UNC13C: variants seen among roughly 807,000 people sequenced by gnomAD.
The protein encoded by UNC13C is protein unc-13 homolog C.
Under a neutral mutation model 245.4 loss-of-function variants are expected in UNC13C, and 174 were observed. The ratio of observed to expected loss-of-function variants is 0.71; its 90% CI spans 0.63 to 0.80. The LOEUF (loss-of-function observed/expected upper bound fraction) is 0.80. UNC13C is among the 30% of genes least tolerant of loss of function. UNC13C has a pLI of 0.00. For synonymous variants in UNC13C, 992 were observed against 895.1 expected, an observed-to-expected ratio of 1.11 and a Z score of -1.93; for missense variants, 2,829 against 2,602.9, an observed-to-expected ratio of 1.09 and a Z score of -1.89.
At chr15:53,912,527 A>G in the UNC13C span, 4 of 152,104 alleles carry the variant, frequency 2.6e-5, no homozygotes, top group African/African-American at 9.7e-5. Context: ...GTGAATCTAT[A>G]TTGGCATTGG....
At chr15:54,037,710 C>T (rs1438262979) in intron 2 of UNC13C, among the ~76,000 whole-genome samples, 1 of 151,932 alleles carries the variant, frequency 6.6e-6, no homozygotes, top group East Asian at 1.9e-4. Flanking sequence ...TAAGATACTC[C>T]CATAAATTCT....
chr15:54,552,476 A>AAT (rs1220300652), intron 28 of UNC13C, among the ~76,000 whole-genome samples: 480 of 26,276 alleles, frequency 0.018, 18 homozygotes, highest in Non-Finnish European at 0.024. Flanking sequence ...TACAATATAT[A>AAT]ATATAATTAT....
chr15:54,632,530 G>T (rs569699895), downstream of UNC13C: 1 of 152,118 alleles, frequency 6.6e-6, no homozygotes. Flanking sequence ...TTTGAGTTAA[G>T]GTTCATCTAT....
chr15:53,909,331 T>C, the UNC13C span, among the ~76,000 whole-genome samples: 2 of 146,888 alleles, frequency 1.4e-5, no homozygotes, highest in Non-Finnish European at 3.1e-5. Flanking sequence ...TATTAAATGA[T>C]ATATCTAACA....
At chr15:54,565,292 TAGCATCC>T (rs1897462089) in intron 29 of UNC13C, among the ~76,000 whole-genome samples, 1 of 151,940 alleles carries the variant, frequency 6.6e-6, no homozygotes, top group Admixed American at 6.6e-5. Context: ...TTTATAATGT[TAGCATCC>T]AGCACAAGGT....
intron 19 of UNC13C, among the ~76,000 whole-genome samples, chr15:54,459,325 G>A (rs530099134): frequency 4.1e-4 from 62 of 152,222 alleles, no homozygotes; most frequent in Admixed American, 8.5e-4. Context: ...TAGCCCTTAA[G>A]ATTCTTTCCT....
chr15:54,349,057 A>G (rs2038922740), intron 17 of UNC13C, among the ~76,000 whole-genome samples: 1 of 150,164 alleles, frequency 6.7e-6, no homozygotes, highest in Admixed American at 6.6e-5. Flanking sequence ...TAGAGTTAAT[A>G]TGTTTATAAT....
At chr15:54,492,279 G>T (rs1484212430) in intron 19 of UNC13C, among the ~76,000 whole-genome samples, 2 of 151,640 alleles carry the variant, frequency 1.3e-5, no homozygotes, top group Admixed American at 1.3e-4. Context: ...GTTTTCAGAA[G>T]GTTTTTTCTA....
the UNC13C span, among the ~76,000 whole-genome samples, chr15:53,884,039 G>T: frequency 6.6e-6 from 1 of 152,148 alleles, no homozygotes; most frequent in Non-Finnish European, 1.5e-5. Context: ...CTGGGGAAAT[G>T]ATGCCGGTAC....
chr15:54,363,924 G>A (rs2039296003), intron 17 of UNC13C, among the ~76,000 whole-genome samples: 1 of 152,086 alleles, frequency 6.6e-6, no homozygotes, highest in Non-Finnish European at 1.5e-5. Context: ...GAACTAACAA[G>A]CAATTTTCAG....
At chr15:54,020,441 ATTTTTTTT>A (rs35981072) in intron 2 of UNC13C, among the ~76,000 whole-genome samples, 1 of 106,834 alleles carries the variant, frequency 9.4e-6, no homozygotes, top group African/African-American at 3.6e-5. Context: ...CGCCCAGCTA[ATTTTTTTT>A]TTTTTTTTTT....
intron 2 of UNC13C, among the ~76,000 whole-genome samples, chr15:54,084,291 A>C (rs1899118438): frequency 6.6e-6 from 1 of 152,128 alleles, no homozygotes; most frequent in African/African-American, 2.4e-5. Context: ...AGTTGGATTT[A>C]AGTTCCTCGT....
chr15:54,454,133 A>G (rs986666894), intron 19 of UNC13C, among the ~76,000 whole-genome samples: 1 of 151,566 alleles, frequency 6.6e-6, no homozygotes, highest in African/African-American at 2.4e-5. Flanking sequence ...TGATATATAT[A>G]TATATAAAAT....
the UNC13C span, chr15:53,913,217 A>G: frequency 6.6e-6 from 1 of 152,238 alleles, no homozygotes; most frequent in Non-Finnish European, 1.5e-5. Context: ...GATGCAGCTG[A>G]GACAGCCTTC....
At chr15:54,058,643 G>A (rs1250794722) in intron 2 of UNC13C, among the ~76,000 whole-genome samples, 1 of 152,128 alleles carries the variant, frequency 6.6e-6, no homozygotes, top group Non-Finnish European at 1.5e-5. Context: ...CCAAAGCCGG[G>A]CAGAGACACA....
chr15:54,166,070 G>A (rs1752924748), intron 4 of UNC13C, among the ~76,000 whole-genome samples: 1 of 151,886 alleles, frequency 6.6e-6, no homozygotes, highest in African/African-American at 2.4e-5. Flanking sequence ...TGTATTAAGG[G>A]TATTTTTGGC....
intron 2 of UNC13C, among the ~76,000 whole-genome samples, chr15:54,064,627 T>G (rs1036015358): frequency 6.6e-6 from 1 of 152,190 alleles, no homozygotes; most frequent in African/African-American, 2.4e-5. Flanking sequence ...TTTACTCACA[T>G]CAGTCACTTC....
intron 1 of UNC13C, among the ~76,000 whole-genome samples, chr15:53,984,274 C>G (rs1480813568): frequency 6.6e-6 from 1 of 152,102 alleles, no homozygotes; most frequent in Non-Finnish European, 1.5e-5. Flanking sequence ...TATCCAATCT[C>G]TGCCCCAATT....
the UNC13C span, among the ~76,000 whole-genome samples, chr15:53,862,208 G>A: frequency 1.3e-5 from 2 of 152,096 alleles, no homozygotes; most frequent in African/African-American, 4.8e-5. Flanking sequence ...ATGAGGTCCA[G>A]CTGCTTGTTC....
Sources: gnomAD v4.1 joint callset for allele counts (sites outside exome capture counted in the v4.1 genomes callset) on GRCh38, gnomAD v4.1.1 for gene constraint, MANE v1.5 for transcripts, NCBI Gene and HGNC (gene_info 2026-07-23, HGNC 2026-07-21) for gene names.